The following DUSP29 variants were observed in gnomAD, a reference collection of about 807,000 sequenced individuals.
DUSP29 encodes the protein dual specificity phosphatase 29.
In DUSP29, 12 loss-of-function variants were observed where a neutral mutation model predicts 13.5. The observed-to-expected ratio is 0.89, with a 90% CI of 0.57 to 1.44. The LOEUF (loss-of-function observed/expected upper bound fraction) is 1.44, where lower values mean the gene tolerates loss of function less well. Among genes scored for constraint, DUSP29 ranks in the 40% most tolerant of loss-of-function variants. DUSP29 has a pLI of 0.00. For missense variants in DUSP29, 308 were observed against 301.1 expected (o/e 1.02, Z -0.17); for synonymous variants, 134 against 128.7 (o/e 1.04, Z -0.28).
intron 2 of DUSP29, among the ~76,000 whole-genome samples, chr10:75,056,695 T>C (rs1009969886): frequency 6.6e-6 from 1 of 151,680 alleles, no homozygotes; most frequent in East Asian, 1.9e-4. Flanking sequence ...ACCCTTTATA[T>C]GTGTGTATAT....
At chr10:75,058,209 C>G in intron 2 of DUSP29, 106 bp downstream of exon 2, 1 of 1,367,736 alleles carries the variant, frequency 7.3e-7, no homozygotes, top group East Asian at 2.3e-5. Context: ...TGAGTTCTCA[C>G]AGAACGACTA....
rs1355603308 is a variant in DUSP29 at position 75,037,590 on chromosome 10, T to C, written c.*246A>G. 1.3e-5 allele frequency among the ~76,000 whole-genome samples: 2 copies of C among 152,066 alleles called. No individual in the cohort carries two copies. The highest frequency in any genetic ancestry group is 4.8e-5 in the African/African-American group (2 of 41,412). On this transcript the variant is annotated 3_prime_UTR_variant, in exon 4 of 4. Transcript: ENST00000338487. ...GCAGGAGACTTGGTGCAGCGTGGCA[T>C]GCTCCTCTGTGACCCAGAGCCGGGG... is the stretch of plus-strand genomic sequence containing the variant.
intron 2 of DUSP29, among the ~76,000 whole-genome samples, chr10:75,046,723 T>C (rs550686890): frequency 6.6e-6 from 1 of 152,336 alleles, no homozygotes; most frequent in East Asian, 1.9e-4. Flanking sequence ...CATTTTTCCT[T>C]AGAAAGGTCT....
At chr10:75,062,337 G>A (rs534260341) in intron 1 of DUSP29, among the ~76,000 whole-genome samples, 138 of 152,290 alleles carry the variant, frequency 9.1e-4, no homozygotes, top group African/African-American at 2.9e-3. Context: ...GGTGATTTTC[G>A]GGAGACGCTA....
intron 2 of DUSP29, among the ~76,000 whole-genome samples, chr10:75,045,530 C>T (rs956788917): frequency 6.6e-6 from 1 of 152,142 alleles, no homozygotes; most frequent in Non-Finnish European, 1.5e-5. Flanking sequence ...TCAGGCAAGG[C>T]GGTCAGGAAA....
At chr10:75,059,513 A>G (rs1275767355) in intron 1 of DUSP29, among the ~76,000 whole-genome samples, 1 of 152,216 alleles carries the variant, frequency 6.6e-6, no homozygotes, top group East Asian at 1.9e-4. Flanking sequence ...CACTATTCCA[A>G]GTGCTTGATG....
intron 1 of DUSP29, among the ~76,000 whole-genome samples, chr10:75,068,966 AT>A (rs374900883): frequency 0.011 from 1,694 of 148,132 alleles, 29 homozygotes; most frequent in African/African-American, 0.038. Flanking sequence ...AGTTTAACAG[AT>A]TTTTTTTTTT....
intron 2 of DUSP29, among the ~76,000 whole-genome samples, chr10:75,045,459 T>C (rs953563798): frequency 6.6e-6 from 1 of 152,172 alleles, no homozygotes; most frequent in African/African-American, 2.4e-5. Context: ...TAGATAGCAG[T>C]GAGAGCTATC....
At chr10:75,043,655 G>A (rs1846632520) in intron 3 of DUSP29, 142 bp downstream of exon 3, 2 of 838,302 alleles carry the variant, frequency 2.4e-6, no homozygotes, top group Admixed American at 2.8e-5. Flanking sequence ...CCTCAGACGG[G>A]GAAACCTTGG....
intron 1 of DUSP29, among the ~76,000 whole-genome samples, chr10:75,066,997 G>C (rs141545491): frequency 7.2e-6 from 1 of 137,990 alleles, no homozygotes; most frequent in Non-Finnish European, 1.5e-5. Context: ...TTACTCTGTC[G>C]CTCAGGCTGG....
chr10:75,050,862 G>A (rs1171343488), intron 2 of DUSP29, among the ~76,000 whole-genome samples: 1 of 152,230 alleles, frequency 6.6e-6, no homozygotes, highest in African/African-American at 2.4e-5. Context: ...AGCCGGCAGA[G>A]TGAGCACCCT....
intron 2 of DUSP29, among the ~76,000 whole-genome samples, chr10:75,050,347 G>A (rs1217524713): frequency 7.9e-5 from 12 of 152,220 alleles, no homozygotes; most frequent in Non-Finnish European, 1.6e-4. Flanking sequence ...ATTGATAAGA[G>A]GTGATGAATT....
At chr10:75,058,194 CTAAT>C (rs1847004663) in intron 2 of DUSP29, 117 bp downstream of exon 2, 6 of 1,196,896 alleles carry the variant, frequency 5.0e-6, no homozygotes, top group Middle Eastern at 2.9e-4. Flanking sequence ...CCAGCCCTAA[CTAAT>C]TGAGTTCTCA....
chr10:75,042,971 C>T (rs186848789), intron 3 of DUSP29, among the ~76,000 whole-genome samples: 1 of 152,366 alleles, frequency 6.6e-6, no homozygotes, highest in Non-Finnish European at 1.5e-5. Flanking sequence ...TGTCTTACCC[C>T]CGATGCGTCC....
chr10:75,045,770 T>C (rs531116540), intron 2 of DUSP29, among the ~76,000 whole-genome samples: 1 of 152,300 alleles, frequency 6.6e-6, no homozygotes, highest in South Asian at 2.1e-4. Flanking sequence ...GTGGTGGAAG[T>C]CTGCTAGAGG....
intron 1 of DUSP29, among the ~76,000 whole-genome samples, chr10:75,063,670 G>C (rs1847136546): frequency 6.6e-6 from 1 of 151,636 alleles, no homozygotes; most frequent in South Asian, 2.1e-4. Context: ...CCTCCCTCTT[G>C]GGTGCTCTGC....
At chr10:75,054,050 T>C (rs529826171) in intron 2 of DUSP29, among the ~76,000 whole-genome samples, 1 of 152,294 alleles carries the variant, frequency 6.6e-6, no homozygotes, top group African/African-American at 2.4e-5. Flanking sequence ...GTATATAATA[T>C]ACAGAGAAAA....
At chr10:75,054,877 T>C (rs777301810) in intron 2 of DUSP29, among the ~76,000 whole-genome samples, 2 of 152,092 alleles carry the variant, frequency 1.3e-5, no homozygotes, top group Non-Finnish European at 2.9e-5. Context: ...TCTCACTCTG[T>C]CACCCAGACT....
At chr10:75,045,675 G>A (rs545621548) in intron 2 of DUSP29, among the ~76,000 whole-genome samples, 1 of 152,356 alleles carries the variant, frequency 6.6e-6, no homozygotes, top group East Asian at 1.9e-4. Flanking sequence ...TGGCTGAAGT[G>A]GCAAGGGGAA....
Sources: gnomAD v4.1 joint callset for allele counts (sites outside exome capture counted in the v4.1 genomes callset) on GRCh38, gnomAD v4.1.1 for gene constraint, MANE v1.5 for transcripts, NCBI Gene and HGNC (gene_info 2026-07-23, HGNC 2026-07-21) for gene names.